Variants in ZMYM4 observed in about 807,000 individuals in gnomAD.
The protein encoded by ZMYM4 is zinc finger MYM-type containing 4.
ZMYM4 carries 31 observed loss-of-function variants against 183.2 expected under a neutral mutation model. The ratio of observed to expected loss-of-function variants is 0.17; its 90% confidence interval spans 0.13 to 0.23. The LOEUF (loss-of-function observed/expected upper bound fraction) is 0.23, where lower values mean the gene tolerates loss of function less well. ZMYM4 is among the 10% of genes least tolerant of loss of function. The pLI is 1.00. For synonymous variants in ZMYM4, 592 were observed against 631.2 expected, an observed-to-expected ratio of 0.94 and a Z score of 0.93; for missense variants, 1,273 against 1,840.3, an observed-to-expected ratio of 0.69 and a Z score of 5.64.
Position 35,399,686 on chromosome 1 carries a change from ATGT to A in ZMYM4, c.3528+115_3528+117del, listed in dbSNP as rs1486567797. Reference sequence around the variant, plus strand: ...AACAGCCAGAGTCAGGTAGTTCCACATGTTGTTTTGCAACTTTTGTTTTTTGAA... The same window carrying A: ...AACAGCCAGAGTCAGGTAGTTCCACATGTTTTGCAACTTTTGTTTTTTGAA... On this transcript the variant is annotated intron_variant, in intron 23 of 29. Transcript: ENST00000314607. 14 of 1,130,532 alleles carry A rather than the reference ATGT, an allele frequency of 1.2e-5. No homozygotes were observed. The Admixed American group carries it at 3.7e-4, about 29-fold the overall frequency. The allele number at this position is 1,130,532 out of a possible 1,614,324, so 70.0% of individuals were successfully genotyped here.
chr1:35,333,559 A>G (rs150465221), intron 2 of ZMYM4, among the ~76,000 whole-genome samples: 416 of 152,122 alleles, frequency 2.7e-3, no homozygotes, highest in African/African-American at 9.5e-3. Flanking sequence ...CGCCTGGCCC[A>G]TATATGATTT....
Position 35,386,868 on chromosome 1 carries a change from C to A in ZMYM4, c.1837-135C>A, listed in dbSNP as rs1351474744. On this transcript the variant is annotated intron_variant, in intron 11 of 29. Transcript: ENST00000314607. ...ACTCCCCCCATTCCGTAATAAGCTG[C>A]TCAGAGGCAGGAACATTGCCTGTTA... 3.2e-6 allele frequency: 3 copies of A among 927,382 alleles called. No individual in the cohort carries two copies. The African/African-American group carries it at 5.0e-5, about 15-fold the overall frequency. The allele number at this position is 927,382 out of a possible 1,614,324, so 57.4% of individuals were successfully genotyped here.
At chr1:35,315,315 T>A (rs1279342988) in intron 1 of ZMYM4, among the ~76,000 whole-genome samples, 1 of 152,226 alleles carries the variant, frequency 6.6e-6, no homozygotes, top group Admixed American at 6.5e-5. Flanking sequence ...TCAGTTGCTT[T>A]ATTTTATACA....
At chr1:35,343,788 C>T (rs1643290476) in intron 2 of ZMYM4, among the ~76,000 whole-genome samples, 1 of 151,378 alleles carries the variant, frequency 6.6e-6, no homozygotes, top group African/African-American at 2.4e-5. Flanking sequence ...TGCTTGCACC[C>T]GGGAGGCGGA....
At chr1:35,391,980 G>A (rs757413817) in intron 15 of ZMYM4, among the ~76,000 whole-genome samples, 13 of 152,038 alleles carry the variant, frequency 8.6e-5, no homozygotes, top group Admixed American at 3.3e-4. Flanking sequence ...GGTGGAGGTC[G>A]CTGTGAGCTG....
At position 35,384,907 on chromosome 1, in the gene ZMYM4, G is replaced by A. The variant is rs552018182; in HGVS notation, c.1570-535G>A. 6.2e-5 allele frequency among the ~76,000 whole-genome samples: 9 copies of A among 146,172 alleles called. No homozygotes were observed. In the South Asian group the frequency reaches 1.7e-3, roughly 28 times the overall value. On this transcript the variant is annotated intron_variant, in intron 9 of 29. Coordinates refer to ENST00000314607, the MANE Select transcript of ZMYM4 (RefSeq NM_005095.3). ...TCGCCAGGCTGGAGTGCAGTGGCAC[G>A]ATCTCAGCTCGCTGCAAGCTCTGCC...
At chr1:35,369,472 T>C (rs1644158114) in intron 5 of ZMYM4, among the ~76,000 whole-genome samples, 1 of 152,116 alleles carries the variant, frequency 6.6e-6, no homozygotes, top group South Asian at 2.1e-4. Flanking sequence ...AGAAGTAATT[T>C]TGGAGTAATA....
chr1:35,269,847 C>A (rs1639508826), intron 1 of ZMYM4, among the ~76,000 whole-genome samples: 1 of 152,044 alleles, frequency 6.6e-6, no homozygotes, highest in African/African-American at 2.4e-5. Flanking sequence ...TGGTTTTTTT[C>A]AGATGGCGAA....
At chr1:35,385,666 T>A (rs1644559788) in intron 10 of ZMYM4, 74 bp downstream of exon 10, 10 of 1,486,748 alleles carry the variant, frequency 6.7e-6, no homozygotes, top group Admixed American at 2.6e-5. Flanking sequence ...TTAACGGTTT[T>A]TTTTGGTTGA....
intron 2 of ZMYM4, among the ~76,000 whole-genome samples, chr1:35,331,164 T>G (rs1642729742): frequency 6.6e-6 from 1 of 152,220 alleles, no homozygotes; most frequent in African/African-American, 2.4e-5. Context: ...TTGCTAAGTA[T>G]TATTTGGATC....
intron 1 of ZMYM4, among the ~76,000 whole-genome samples, chr1:35,297,569 A>G (rs1467144401): frequency 1.3e-5 from 2 of 152,108 alleles, no homozygotes; most frequent in African/African-American, 4.8e-5. Context: ...AACGGACCTG[A>G]ACTTGTTATT....
intron 1 of ZMYM4, among the ~76,000 whole-genome samples, chr1:35,291,095 A>G (rs1386557151): frequency 6.6e-6 from 1 of 152,156 alleles, no homozygotes; most frequent in Non-Finnish European, 1.5e-5. Flanking sequence ...GTACATTTTC[A>G]TTTCTTGTTC....
At chr1:35,296,312 A>T (rs1641005621) in intron 1 of ZMYM4, among the ~76,000 whole-genome samples, 1 of 152,188 alleles carries the variant, frequency 6.6e-6, no homozygotes, top group Non-Finnish European at 1.5e-5. Context: ...AATATAGACT[A>T]TTGTTGAATC....
intron 26 of ZMYM4, among the ~76,000 whole-genome samples, chr1:35,408,433 A>T (rs141900165): frequency 1.3e-5 from 2 of 152,306 alleles, no homozygotes; most frequent in Admixed American, 1.3e-4. Context: ...TTAGAGGCAT[A>T]TATTTTAAAA....
Position 35,371,088 on chromosome 1 carries a change from TGTGTGTGTGTGTGTGTGTGC to T in ZMYM4, c.1181+463_1181+482del, listed in dbSNP as rs892087834. ...GTGTGTGTGTGTGTGTGTGTGTGTG[TGTGTGTGTGTGTGTGTGTGC>T]GCACATTTATTTATTTATTTATTTT... On this transcript the variant is annotated intron_variant, in intron 7 of 29. Coordinates refer to ENST00000314607, the MANE Select transcript of ZMYM4 (RefSeq NM_005095.3). 9.6e-5 allele frequency among the ~76,000 whole-genome samples: 12 copies of T among 124,726 alleles called. No individual in the cohort carries two copies. In the East Asian group the frequency reaches 1.4e-3, roughly 15 times the overall value. 81.8% of individuals were successfully genotyped at this position (124,726 alleles called of 152,430 possible).
chr1:35,295,226 G>GT (rs1640948585), intron 1 of ZMYM4, among the ~76,000 whole-genome samples: 1 of 152,154 alleles, frequency 6.6e-6, no homozygotes, highest in African/African-American at 2.4e-5. Flanking sequence ...GGTGGAGAGG[G>GT]TATTGCAATT....
chr1:35,295,433 A>C (rs1274546170), intron 1 of ZMYM4, among the ~76,000 whole-genome samples: 1 of 152,228 alleles, frequency 6.6e-6, no homozygotes, highest in Non-Finnish European at 1.5e-5. Flanking sequence ...GGTGAATAAC[A>C]GTAGATGAGA....
intron 5 of ZMYM4, 32 bp from the exon 6 acceptor site, chr1:35,369,997 T>C: frequency 1.3e-6 from 2 of 1,493,472 alleles, no homozygotes; most frequent in Non-Finnish European, 1.9e-6. Flanking sequence ...TTCTTTTCTC[T>C]ATGTATTTAT....
chr1:35,389,940 C>G lies in ZMYM4; in HGVS notation c.2437-8C>G, dbSNP rs112690715. ...TTTCTTACTCCTTGACTACCTTCTT[C>G]TTTTTAGATGGCCAAATGTGATGCT... On this transcript the variant is annotated splice_polypyrimidine_tract_variant and splice_region_variant and intron_variant, in intron 14 of 29. Coordinates refer to ENST00000314607, the MANE Select transcript of ZMYM4 (RefSeq NM_005095.3). The surrounding 1 kb of genome is among the most constrained non-coding windows in gnomAD (Gnocchi z 4.0). The G allele has an allele frequency of 3.1e-6, 5 of 1,602,592 alleles. No homozygotes were observed. In the African/African-American group the frequency reaches 4.0e-5, roughly 13 times the overall value.
Sources: gnomAD v4.1 joint callset for allele counts (sites outside exome capture counted in the v4.1 genomes callset) on GRCh38, gnomAD v4.1.1 for gene constraint, Gnocchi (gnomAD v3.1) non-coding constraint, MANE v1.5 for transcripts, NCBI Gene and HGNC (gene_info 2026-07-23, HGNC 2026-07-21) for gene names.